THSD7A: variants seen among roughly 807,000 people sequenced by gnomAD.
The protein encoded by THSD7A is thrombospondin type-1 domain-containing protein 7A.
A neutral mutation model predicts 231.3 loss-of-function variants in THSD7A; 96 were observed. That is an observed-to-expected ratio of 0.41 (90% CI 0.35 to 0.49). The LOEUF (loss-of-function observed/expected upper bound fraction) is 0.49. Ranked by LOEUF, THSD7A falls within the 20% of genes least tolerant of loss-of-function variation. THSD7A has a pLI of 0.05. For missense variants in THSD7A, 2,290 were observed against 2,070.2 expected (o/e 1.11, Z -2.06); for synonymous variants, 940 against 743.3 (o/e 1.26, Z -4.30).
intron 1 of THSD7A, among the ~76,000 whole-genome samples, chr7:11,666,354 G>T (rs566800653): frequency 3.2e-4 from 48 of 152,006 alleles, no homozygotes; most frequent in African/African-American, 1.1e-3. Flanking sequence ...GAATAATTTT[G>T]TGCATAAAAT....
rs1228386339 is a variant in THSD7A at position 11,377,130 on chromosome 7, G to T, written c.4802-473C>A. The T allele has an allele frequency of 1.3e-5, 2 of 152,014 alleles. No homozygotes were observed. Among genetic ancestry groups the T allele is most frequent in the African/African-American group, 4.8e-5 (2 of 41,372 alleles). 9.4% of individuals were successfully genotyped at this position (152,014 alleles called of 1,614,324 possible). ...TTTTTATTCCAGGTAAAATGAAAGT[G>T]AATATATTTAAGATTTTATGGAATT... On this transcript the variant is annotated intron_variant, in intron 26 of 27. Transcript: ENST00000423059. This position sits in a 1 kb window ranked among gnomAD's most constrained non-coding sequence, Gnocchi z 4.5.
chr7:11,379,749 A>G (rs1782435959), intron 24 of THSD7A, 37 bp from the exon 25 acceptor site: 2 of 1,547,628 alleles, frequency 1.3e-6, no homozygotes, highest in African/African-American at 1.4e-5. Context: ...CAAATAATAT[A>G]TTTTGCTATG....
chr7:11,549,480 C>T (rs1026583511), intron 4 of THSD7A, among the ~76,000 whole-genome samples: 10 of 152,172 alleles, frequency 6.6e-5, no homozygotes, highest in African/African-American at 2.2e-4. Context: ...TATGCATGCT[C>T]ATGTTCATTG....
In THSD7A at chr7:11,634,317, T is replaced by C. The variant is rs1781757515; in HGVS notation, c.1022+1813A>G. ...TTTAATTCAAACAACTGGATGAGAA[T>C]ATTAGGCTCTATGCAATGGTAGCTA... is the stretch of plus-strand genomic sequence containing the variant. On this transcript the variant is annotated intron_variant, in intron 2 of 27. Coordinates refer to ENST00000423059, the MANE Select transcript of THSD7A (RefSeq NM_015204.3). This position sits in a 1 kb window ranked among gnomAD's most constrained non-coding sequence, Gnocchi z 4.1. Among the ~76,000 whole-genome samples, 1 of 152,174 alleles carries C rather than the reference T, an allele frequency of 6.6e-6. No individual in the cohort carries two copies. Among genetic ancestry groups the C allele is most frequent in the Non-Finnish European group, 1.5e-5 (1 of 68,030 alleles).
intron 4 of THSD7A, among the ~76,000 whole-genome samples, chr7:11,565,370 A>G (rs1790264325): frequency 6.6e-6 from 1 of 152,210 alleles, no homozygotes; most frequent in Admixed American, 6.5e-5. Context: ...ATTTATCACA[A>G]AAAAATCCAC....
At chr7:11,437,956 C>A (rs551346079) in intron 13 of THSD7A, among the ~76,000 whole-genome samples, 11 of 151,864 alleles carry the variant, frequency 7.2e-5, no homozygotes, top group Admixed American at 2.0e-4. Context: ...CTCTTAAAGT[C>A]TATTTGTAAA....
intron 1 of THSD7A, among the ~76,000 whole-genome samples, chr7:11,819,662 GAGGA>G: frequency 6.6e-6 from 1 of 152,318 alleles, no homozygotes; most frequent in Middle Eastern, 3.4e-3. Flanking sequence ...GATTTGGGAG[GAGGA>G]AGGGAGAAAT....
chr7:11,615,270 T>C (rs564521517), intron 2 of THSD7A, among the ~76,000 whole-genome samples: 2 of 152,296 alleles, frequency 1.3e-5, no homozygotes, highest in East Asian at 3.9e-4. Context: ...CAGAGGTACA[T>C]GGCTATTCTT....
At chr7:11,457,709 T>C (rs1204280468) in intron 11 of THSD7A, among the ~76,000 whole-genome samples, 1 of 152,100 alleles carries the variant, frequency 6.6e-6, no homozygotes, top group Non-Finnish European at 1.5e-5. Context: ...AGGCTCCAGA[T>C]CACATCTTCA....
At chr7:11,499,393 A>G (rs1305348481) in intron 6 of THSD7A, among the ~76,000 whole-genome samples, 1 of 152,228 alleles carries the variant, frequency 6.6e-6, no homozygotes, top group Non-Finnish European at 1.5e-5. Context: ...CCTAAGCTGA[A>G]GAAGAAATAT....
At chr7:11,558,903 C>G (rs775622363) in intron 4 of THSD7A, among the ~76,000 whole-genome samples, 15 of 152,102 alleles carry the variant, frequency 9.9e-5, no homozygotes, top group Non-Finnish European at 2.1e-4. Flanking sequence ...CTAGAATATC[C>G]AGGTGGACCC....
chr7:11,544,410 C>A (rs1424624511), intron 4 of THSD7A, among the ~76,000 whole-genome samples: 2 of 152,062 alleles, frequency 1.3e-5, no homozygotes, highest in African/African-American at 2.4e-5. Context: ...CTTTATCACT[C>A]TCATGATTGG....
chr7:11,476,318 TAC>T (rs59127235), intron 7 of THSD7A, among the ~76,000 whole-genome samples: 36,790 of 137,102 alleles, frequency 0.27, 4,625 homozygotes, highest in East Asian at 0.37. Context: ...CTCTGGAAGA[TAC>T]ACACACACAC....
In THSD7A at chr7:11,447,299, T is replaced by C. The variant is rs949176105; in HGVS notation, c.2731A>G (p.Ser911Gly). 9.3e-6 allele frequency: 15 copies of C among 1,612,986 alleles called. No homozygotes were observed. The highest frequency in any genetic ancestry group is 4.5e-5 in the East Asian group (2 of 44,812). The change falls in exon 12 of 28, where the codon AGC (serine) becomes GGC (glycine). Residue 911 changes from serine to glycine, a missense_variant. Transcript: ENST00000423059. ...TTGCATGAAGAAAACTTGGACCAGC[T>C]GGTCAATTGACAGTCATCCTGGCAG... ...IPCQDDCQLTSWSKFSSCNGD... is the reference protein window; with the variant it reads ...IPCQDDCQLTGWSKFSSCNGD...
At chr7:11,745,733 T>A (rs967337138) in intron 1 of THSD7A, among the ~76,000 whole-genome samples, 3 of 152,124 alleles carry the variant, frequency 2.0e-5, no homozygotes, top group African/African-American at 7.2e-5. Context: ...TTTCTCAGGT[T>A]TGTCAAAGAT....
intron 1 of THSD7A, among the ~76,000 whole-genome samples, chr7:11,642,363 G>C (rs965972416): frequency 6.6e-6 from 1 of 152,106 alleles, no homozygotes; most frequent in African/African-American, 2.4e-5. Context: ...TTTGGAATCT[G>C]ATTGAGCAAA....
intron 6 of THSD7A, among the ~76,000 whole-genome samples, chr7:11,485,095 T>C (rs1298020041): frequency 2.6e-5 from 4 of 151,814 alleles, no homozygotes; most frequent in African/African-American, 9.7e-5. Context: ...TTCACCATAC[T>C]GGCCAGGCTG....
chr7:11,761,012 A>G (rs1417602871), intron 1 of THSD7A, among the ~76,000 whole-genome samples: 1 of 149,798 alleles, frequency 6.7e-6, no homozygotes, highest in African/African-American at 2.4e-5. Flanking sequence ...TCGAATACAA[A>G]CATATTGCTA....
intron 6 of THSD7A, among the ~76,000 whole-genome samples, chr7:11,504,276 AAAG>A (rs1787456791): frequency 1.3e-5 from 2 of 152,148 alleles, no homozygotes; most frequent in Admixed American, 1.3e-4. Context: ...TTATGAAAAC[AAAG>A]AAGGAAATAA....
Sources: allele counts gnomAD v4.1 joint callset (sites outside exome capture counted in the v4.1 genomes callset), GRCh38; gene constraint gnomAD v4.1.1; non-coding constraint Gnocchi (gnomAD v3.1); transcripts MANE v1.5; gene names NCBI Gene and HGNC (gene_info 2026-07-23, HGNC 2026-07-21).